The following EIF4G1 variants were observed in gnomAD, a reference collection of about 807,000 sequenced individuals.
EIF4G1 encodes eukaryotic translation initiation factor 4 gamma 1.
A neutral mutation model predicts 187.8 loss-of-function variants in EIF4G1; 4 were observed. That is an observed-to-expected ratio of 0.02 (90% CI 0.01 to 0.05). The LOEUF (loss-of-function observed/expected upper bound fraction) is 0.05. Ranked by LOEUF, EIF4G1 falls within the 10% of genes least tolerant of loss-of-function variation. The pLI, the probability that EIF4G1 is intolerant of heterozygous loss-of-function variation, is 1.00. For missense variants in EIF4G1, 1,647 were observed against 2,081.1 expected (o/e 0.79, Z 4.06); for synonymous variants, 844 against 781.4 (o/e 1.08, Z -1.34).
chr3:184,324,088 G>T (rs1345902184), intron 16 of EIF4G1, 111 bp downstream of exon 16: 3 of 1,605,246 alleles, frequency 1.9e-6, no homozygotes, highest in Non-Finnish European at 2.6e-6. Context: ...CTTCCAGCTG[G>T]AAGGAGGCAG....
At chr3:184,324,413 A>G (rs980424361) in intron 17 of EIF4G1, 66 bp downstream of exon 17, 20 of 1,609,484 alleles carry the variant, frequency 1.2e-5, no homozygotes, top group Non-Finnish European at 1.6e-5. Flanking sequence ...GATGCTACTC[A>G]GCTGTAGAAT....
chr3:184,327,709 G>A lies in EIF4G1; in HGVS notation c.3780+5G>A. ...CTCCATCTCAATGACATGAAAGTAG[G>A]CAGTGGGAGCGGCGTGTGATTGAGG... On this transcript the variant is annotated splice_donor_5th_base_variant and intron_variant, in intron 25 of 32. Coordinates refer to ENST00000346169, the MANE Select transcript of EIF4G1 (RefSeq NM_198241.3). 6.2e-7 allele frequency: 1 copy of A among 1,614,062 alleles called. No homozygotes were observed. Among genetic ancestry groups the A allele is most frequent in the South Asian group, 1.1e-5 (1 of 91,086 alleles).
At chr3:184,320,510 C>A in intron 7 of EIF4G1, 120 bp from the exon 8 acceptor site, 1 of 1,573,112 alleles carries the variant, frequency 6.4e-7, no homozygotes, top group Non-Finnish European at 8.6e-7. Context: ...GGGTTTCTGG[C>A]ACCTACCTAC....
At chr3:184,326,469 C>A in intron 21 of EIF4G1, 58 bp from the exon 22 acceptor site, 1 of 1,585,166 alleles carries the variant, frequency 6.3e-7, no homozygotes, top group South Asian at 1.1e-5. Flanking sequence ...TATGGTGGTG[C>A]TGGCCAAGGG....
At chr3:184,317,856 G>T in intron 6 of EIF4G1, 40 bp downstream of exon 6, 2 of 1,469,808 alleles carry the variant, frequency 1.4e-6, no homozygotes, top group South Asian at 1.1e-5. Flanking sequence ...ACAAGCCCAA[G>T]GGAGCATCTA....
rs749552222 is a variant in EIF4G1, at chr3:184,321,339, A to G, written c.755A>G (p.His252Arg). Reference sequence around the variant, plus strand: ...CGGCCAGGGCTGCCTGGCCCAGAGCATAGCCCTTCAGAATCCCAGCCTTCG... The same window carrying G: ...CGGCCAGGGCTGCCTGGCCCAGAGCGTAGCCCTTCAGAATCCCAGCCTTCG... ...ADRPGLPGPE[H>R]SPSESQPSSP... The change falls in exon 10 of 33, where the codon CAT (histidine) becomes CGT (arginine). Residue 252 changes from histidine to arginine, a missense_variant. By Grantham distance (29) the His-to-Arg change is conservative. Coordinates refer to ENST00000346169, the MANE Select transcript of EIF4G1 (RefSeq NM_198241.3). 3.1e-6 allele frequency: 5 copies of G among 1,614,024 alleles called. No homozygotes were observed. The highest frequency in any genetic ancestry group is 4.2e-6 in the Non-Finnish European group (5 of 1,180,042).
chr3:184,316,882 T>TAGGGGC (rs1210003462), intron 4 of EIF4G1: 1 of 848,262 alleles, frequency 1.2e-6, no homozygotes, highest in Admixed American at 2.2e-5. Flanking sequence ...TGATGCATGT[T>TAGGGGC]AGGGGCTACA....
intron 8 of EIF4G1, 58 bp from the exon 9 acceptor site, chr3:184,320,869 G>A (rs757346427): frequency 5.0e-6 from 8 of 1,611,852 alleles, no homozygotes; most frequent in Non-Finnish European, 6.8e-6. Flanking sequence ...AATGGCTCTA[G>A]TAAAGAAGGG....
chr3:184,326,839 A>C (rs750342590), intron 22 of EIF4G1, 42 bp from the exon 23 acceptor site: 2 of 1,611,886 alleles, frequency 1.2e-6, no homozygotes, highest in Admixed American at 3.3e-5. Flanking sequence ...AAAATGCAGG[A>C]AAGGAGAAAA....
At chr3:184,316,937 A>C (rs1438554189) in intron 4 of EIF4G1, among the ~76,000 whole-genome samples, 3 of 151,986 alleles carry the variant, frequency 2.0e-5, no homozygotes, top group Admixed American at 1.3e-4. Flanking sequence ...GTTGCATGTT[A>C]TGGTTAGCTC....
At chr3:184,316,458 C>T (rs963877201) in intron 4 of EIF4G1, among the ~76,000 whole-genome samples, 29 of 152,168 alleles carry the variant, frequency 1.9e-4, no homozygotes, top group African/African-American at 6.5e-4. Flanking sequence ...GGGGGCAGTG[C>T]TTTGGGCCCT....
chr3:184,331,910 G>A, intron 31 of EIF4G1, 36 bp from the exon 32 acceptor site: 1 of 1,614,068 alleles, frequency 6.2e-7, no homozygotes, highest in Non-Finnish European at 8.5e-7. Context: ...ACCGGGGTAA[G>A]GGTATATTGC....
rs771604900 is a variant in EIF4G1 at position 184,315,494 on chromosome 3, C to T, written c.-86C>T. 1.5e-6 allele frequency: 1 copy of T among 667,730 alleles called. No homozygotes were observed. The highest frequency in any genetic ancestry group is 2.8e-6 in the Non-Finnish European group (1 of 355,980). 41.4% of individuals were successfully genotyped at this position (667,730 alleles called of 1,614,324 possible). A position where few individuals can be genotyped will look rare whatever the true frequency, so the allele number is the denominator to read the frequency against. On this transcript the variant is annotated 5_prime_UTR_variant, in exon 2 of 33. Transcript: ENST00000346169. ...CCCTCACCTCCCAACCCCAGGCCCTCGGATGCCCAGAACCTGTAGGCCGCA... is the reference window on the plus strand; with the variant it reads ...CCCTCACCTCCCAACCCCAGGCCCTTGGATGCCCAGAACCTGTAGGCCGCA...
chr3:184,316,760 A>T (rs1173294902), intron 4 of EIF4G1: 1 of 1,594,564 alleles, frequency 6.3e-7, no homozygotes, highest in Non-Finnish European at 8.5e-7. Context: ...AACCCTGGAC[A>T]GTCTTCTGGT....
chr3:184,323,748 C>T lies in EIF4G1; in HGVS notation c.2275-32C>T, dbSNP rs1238910135. On this transcript the variant is annotated intron_variant, in intron 15 of 32. Coordinates refer to ENST00000346169, the MANE Select transcript of EIF4G1 (RefSeq NM_198241.3). The surrounding 1 kb of genome is among the most constrained non-coding windows in gnomAD (Gnocchi z 6.9). ...CCTCCCAACAGCCTGTTCTGAGACC[C>T]TCACTGGAACTCTTGTCTCTTCTCC... is the stretch of plus-strand genomic sequence containing the variant. 2.5e-6 allele frequency: 4 copies of T among 1,612,724 alleles called. No individual in the cohort carries two copies. Among genetic ancestry groups the T allele is most frequent in the Admixed American group, 1.7e-5 (1 of 60,020 alleles).
intron 32 of EIF4G1, 39 bp downstream of exon 32, chr3:184,332,125 G>A (rs1389965933): frequency 4.3e-6 from 7 of 1,614,012 alleles, no homozygotes; most frequent in Non-Finnish European, 3.4e-6. Flanking sequence ...GGGGTGGAGG[G>A]ACTGCCAGAT....
At chr3:184,318,079 G>T (rs1723095771) in intron 6 of EIF4G1, among the ~76,000 whole-genome samples, 1 of 152,140 alleles carries the variant, frequency 6.6e-6, no homozygotes, top group South Asian at 2.1e-4. Context: ...CCTATTAGTA[G>T]GCTTTCCCTG....
rs1291020975 is a variant in EIF4G1, at chr3:184,324,417, G to A, written c.2619+70G>A. The A allele has an allele frequency of 9.1e-5, 146 of 1,609,126 alleles. No individual in the cohort carries two copies. In the Admixed American group the frequency reaches 2.3e-3, roughly 26 times the overall value. ...TCCCTTACCCAGATGCTACTCAGCTGTAGAATTTGGAATGGAGGTAGTGGT... is the reference window on the plus strand; with the variant it reads ...TCCCTTACCCAGATGCTACTCAGCTATAGAATTTGGAATGGAGGTAGTGGT... On this transcript the variant is annotated intron_variant, in intron 17 of 32. Coordinates refer to ENST00000346169, the MANE Select transcript of EIF4G1 (RefSeq NM_198241.3).
intron 10 of EIF4G1, 96 bp downstream of exon 10, chr3:184,322,199 C>G (rs1724017581): frequency 1.3e-6 from 2 of 1,586,946 alleles, no homozygotes; most frequent in African/African-American, 1.3e-5. Context: ...TTTCTGGGTC[C>G]CTGCAATGGA....
Sources: gnomAD v4.1 joint callset for allele counts (sites outside exome capture counted in the v4.1 genomes callset) on GRCh38, gnomAD v4.1.1 for gene constraint, Gnocchi (gnomAD v3.1) non-coding constraint, MANE v1.5 for transcripts, NCBI Gene and HGNC (gene_info 2026-07-23, HGNC 2026-07-21) for gene names.